The following WIZ variants were observed in gnomAD, a reference collection of about 807,000 sequenced individuals.
The protein encoded by WIZ is WIZ zinc finger, also known as protein Wiz.
In WIZ, 25 loss-of-function variants were observed where a neutral mutation model predicts 140.2. The observed-to-expected ratio is 0.18, with a 90% CI of 0.13 to 0.25. The LOEUF is 0.25. Ranked by LOEUF, WIZ falls within the 10% of genes least tolerant of loss-of-function variation. The probability of loss-of-function intolerance (pLI) is 1.00; values close to 1 mark genes in which losing one functional copy is unlikely to be tolerated. For missense variants in WIZ, 2,231 were observed against 2,632.6 expected, an observed-to-expected ratio of 0.85 and a Z score of 3.34; for synonymous variants, 1,125 against 1,154.3, an observed-to-expected ratio of 0.97 and a Z score of 0.51.
chr19:15,448,071 C>T (rs1358385989), intron 2 of WIZ, 32 bp downstream of exon 2: 22 of 1,609,120 alleles, frequency 1.4e-5, no homozygotes, highest in Middle Eastern at 1.7e-4. Flanking sequence ...GGGCTGGATG[C>T]TCCCTGGGGG....
chr19:15,449,487 G>C (rs1444779343), intron 1 of WIZ: 1 of 152,372 alleles, frequency 6.6e-6, no homozygotes, highest in Non-Finnish European at 1.5e-5. Context: ...CCCAGGGGTC[G>C]CAGAGGTGGG....
rs1968589205 is a variant in WIZ, at chr19:15,424,511, T to C, written c.5314+102A>G. 1 of 1,529,918 alleles carries C rather than the reference T, an allele frequency of 6.5e-7. No homozygotes were observed. The highest frequency in any genetic ancestry group is 2.1e-5 in the Admixed American group (1 of 47,662). The allele number at this position is 1,529,918 out of a possible 1,614,324, so 94.8% of individuals were successfully genotyped here. A position where few individuals can be genotyped will look rare whatever the true frequency, so the allele number is the denominator to read the frequency against. On this transcript the variant is annotated intron_variant, in intron 11 of 12. Coordinates refer to ENST00000673675, the MANE Select transcript of WIZ (RefSeq NM_001371589.1). The surrounding 1 kb of genome is among the most constrained non-coding windows in gnomAD (Gnocchi z 9.7). ...ATGGATGGGTGAATGGGTAAGCAAC[T>C]GGAGAAAGGACTTAAGGGCCACAGC...
chr19:15,429,749 G>T lies in WIZ; in HGVS notation c.3252C>A (p.His1084Gln). ...PPGFSAKGLG[H>Q]PPSSPLLKKT... ...TTTTGAGGAGTGGAGAGCTGGGCGG[G>T]TGGCCCAGGCCCTTGGCCGAGAAGC... Residue 1084 changes from histidine to glutamine, a missense_variant, in exon 7 of 13, where the codon CAC becomes CAA. Transcript: ENST00000673675. 3 of 1,486,926 alleles carry T rather than the reference G, an allele frequency of 2.0e-6. No homozygotes were observed. The highest frequency in any genetic ancestry group is 2.7e-6 in the Non-Finnish European group (3 of 1,121,356). The allele number at this position is 1,486,926 out of a possible 1,614,324, so 92.1% of individuals were successfully genotyped here.
intron 3 of WIZ, among the ~76,000 whole-genome samples, chr19:15,441,899 T>G (rs1969759260): frequency 6.6e-6 from 1 of 152,142 alleles, no homozygotes; most frequent in Non-Finnish European, 1.5e-5. Flanking sequence ...AAACTTACTA[T>G]GACCTGGCCA....
At chr19:15,426,075 TTC>T (rs1968804063) in intron 9 of WIZ, among the ~76,000 whole-genome samples, 3 of 151,634 alleles carry the variant, frequency 2.0e-5, no homozygotes, top group African/African-American at 7.3e-5. Flanking sequence ...CTTCTGCTTG[TTC>T]TGTCACTTCA....
chr19:15,437,872 T>TA (rs1278934537), intron 4 of WIZ, among the ~76,000 whole-genome samples: 6 of 152,256 alleles, frequency 3.9e-5, no homozygotes, highest in South Asian at 4.1e-4. Context: ...TTAGGGACTT[T>TA]GTCTCAGCTT....
intron 6 of WIZ, among the ~76,000 whole-genome samples, chr19:15,430,486 G>A (rs992854370): frequency 8.5e-5 from 13 of 152,138 alleles, no homozygotes; most frequent in African/African-American, 2.4e-4. Flanking sequence ...ACTCCTGCCC[G>A]AAACACTGGT....
chr19:15,432,387 G>C (rs1017505792), intron 5 of WIZ: 1 of 973,664 alleles, frequency 1.0e-6, no homozygotes, highest in Non-Finnish European at 1.2e-6. Context: ...CGGCAGGCGG[G>C]ATTCCGACCT....
chr19:15,442,778 C>A lies in WIZ; in HGVS notation c.206-30G>T. 1 of 1,226,014 alleles carries A rather than the reference C, an allele frequency of 8.2e-7. No individual in the cohort carries two copies. The highest frequency in any genetic ancestry group is 1.0e-6 in the Non-Finnish European group (1 of 982,602). The allele number at this position is 1,226,014 out of a possible 1,614,324, so 75.9% of individuals were successfully genotyped here. On this transcript the variant is annotated intron_variant, in intron 2 of 12. Transcript: ENST00000673675. This position sits in a 1 kb window ranked among gnomAD's most constrained non-coding sequence, Gnocchi z 5.5. ...AACAGAGAGGGGAGACCCTGAGGGG[C>A]TGGGGTCCCCCTGGCCGGGGCCCTC...
At chr19:15,426,815 C>G (rs1411301971) in intron 9 of WIZ, among the ~76,000 whole-genome samples, 167 bp downstream of exon 9, 1 of 152,230 alleles carries the variant, frequency 6.6e-6, no homozygotes, top group Non-Finnish European at 1.5e-5. Context: ...AGCAGCAGCT[C>G]AGTTGCAGGG....
intron 5 of WIZ, among the ~76,000 whole-genome samples, chr19:15,432,708 G>C (rs1303578992): frequency 6.6e-6 from 1 of 150,770 alleles, no homozygotes; most frequent in East Asian, 2.0e-4. Context: ...CGGCCATCTT[G>C]GCTCCGGCGC....
intron 5 of WIZ, chr19:15,433,130 G>T: frequency 1.1e-5 from 6 of 563,084 alleles, no homozygotes; most frequent in Non-Finnish European, 1.4e-5. Flanking sequence ...TTTCCGGAAA[G>T]TCTCCATCTC....
At chr19:15,441,941 C>T (rs1180262744) in intron 3 of WIZ, among the ~76,000 whole-genome samples, 1 of 152,116 alleles carries the variant, frequency 6.6e-6, no homozygotes, top group East Asian at 1.9e-4. Context: ...AATCCCACCT[C>T]TTTGGGAGGC....
chr19:15,433,184 ATCCC>A (rs1441197066), intron 5 of WIZ: 1 of 929,354 alleles, frequency 1.1e-6, no homozygotes, highest in Non-Finnish European at 1.3e-6. Flanking sequence ...AACCACAAGA[ATCCC>A]TCCAGTATCA....
intron 1 of WIZ, among the ~76,000 whole-genome samples, chr19:15,449,118 G>GA (rs1379627615): frequency 6.6e-6 from 1 of 152,168 alleles, no homozygotes; most frequent in East Asian, 1.9e-4. Flanking sequence ...TCCTGGTCCA[G>GA]AAATGAGGAC....
At chr19:15,449,138 C>T (rs1970021758) in intron 1 of WIZ, among the ~76,000 whole-genome samples, 1 of 152,110 alleles carries the variant, frequency 6.6e-6, no homozygotes, top group Admixed American at 6.5e-5. Flanking sequence ...CCCTGGGGAG[C>T]GGGGGTTGTC....
In WIZ at chr19:15,439,297, G is replaced by A. The variant is rs1466605490; in HGVS notation, c.1697C>T (p.Pro566Leu). Residue 566 changes from proline to leucine, a missense_variant, in exon 4 of 13, where the codon CCA becomes CTA. Pro to Leu is a moderately conservative substitution (Grantham distance 98). This residue lies in a region of WIZ where 475 missense variants were observed against 520.2 expected (regional missense o/e 0.91). Coordinates refer to ENST00000673675, the MANE Select transcript of WIZ (RefSeq NM_001371589.1). The surrounding 1 kb of genome is among the most constrained non-coding windows in gnomAD (Gnocchi z 7.0). ...CCTCTGGCCCGTGCCATGCAGGAGTGGCTTTGACAGCGGGAAATCTCTGAT... is the reference window on the plus strand; with the variant it reads ...CCTCTGGCCCGTGCCATGCAGGAGTAGCTTTGACAGCGGGAAATCTCTGAT... ...LSIRDFPLSK[P>L]LLHGTGQRPL... 2.0e-6 allele frequency: 3 copies of A among 1,535,570 alleles called. No homozygotes were observed. In the Admixed American group the frequency reaches 5.9e-5, roughly 30 times the overall value.
rs371316048 is a variant in WIZ, at chr19:15,441,580, G to A, written c.279-865C>T. Among the ~76,000 whole-genome samples, 135 of 152,266 alleles carry A rather than the reference G, an allele frequency of 8.9e-4. 4 individuals are homozygous for A. The highest frequency in any genetic ancestry group is 3.1e-3 in the African/African-American group (130 of 41,538). On this transcript the variant is annotated intron_variant, in intron 3 of 12. Transcript: ENST00000673675. ...TTTGTTTCACCTCATGCCTGGCCCAGTGTGGGTTCTTATTATGACCATTTG... is the reference window on the plus strand; with the variant it reads ...TTTGTTTCACCTCATGCCTGGCCCAATGTGGGTTCTTATTATGACCATTTG...
Position 15,440,299 on chromosome 19 carries a change from G to T in WIZ, c.695C>A (p.Ala232Glu). 1 of 1,503,438 alleles carries T rather than the reference G, an allele frequency of 6.7e-7. No homozygotes were observed. The highest frequency in any genetic ancestry group is 8.9e-7 in the Non-Finnish European group (1 of 1,128,726). The allele number at this position is 1,503,438 out of a possible 1,614,324, so 93.1% of individuals were successfully genotyped here. The change falls in exon 4 of 13, where the codon GCG becomes GAG. Residue 232 changes from alanine to glutamate, a missense_variant. Physicochemically the swap from Ala to Glu is moderately radical, Grantham distance 107. Transcript: ENST00000673675. The surrounding 1 kb of genome is among the most constrained non-coding windows in gnomAD (Gnocchi z 6.2). ...CAGATCTTCTCTGCCACCCACCACCGCCATGTCCAGCGTCTTCGGGGTGTC... is the reference window on the plus strand; with the variant it reads ...CAGATCTTCTCTGCCACCCACCACCTCCATGTCCAGCGTCTTCGGGGTGTC... ...VEDTPKTLDM[A>E]VVGGREDLED...
Sources: allele counts gnomAD v4.1 joint callset (sites outside exome capture counted in the v4.1 genomes callset), GRCh38; gene constraint gnomAD v4.1.1; regional missense constraint gnomAD v4.1.1; non-coding constraint Gnocchi (gnomAD v3.1); transcripts MANE v1.5; gene names NCBI Gene and HGNC (gene_info 2026-07-23, HGNC 2026-07-21).